Variants in CADPS2 observed in about 807,000 individuals in gnomAD.
CADPS2 encodes calcium dependent secretion activator 2.
CADPS2 carries 93 observed loss-of-function variants against 172.5 expected under a neutral mutation model. The observed-to-expected ratio is 0.54, with a 90% CI of 0.46 to 0.64. The LOEUF (loss-of-function observed/expected upper bound fraction) is 0.64. Among genes scored for constraint, CADPS2 ranks in the 30% least tolerant of loss-of-function variants. The probability of loss-of-function intolerance (pLI) is 0.00; values close to 1 mark genes in which losing one functional copy is unlikely to be tolerated. For missense variants in CADPS2, 1,420 were observed against 1,565.9 expected, an observed-to-expected ratio of 0.91 and a Z score of 1.57; for synonymous variants, 546 against 555.2, an observed-to-expected ratio of 0.98 and a Z score of 0.23.
intron 1 of CADPS2, among the ~76,000 whole-genome samples, chr7:122,803,515 C>T (rs1230592003): frequency 6.6e-6 from 1 of 152,116 alleles, no homozygotes; most frequent in Non-Finnish European, 1.5e-5. Context: ...TGTTTTCTAT[C>T]AGAATCACAT....
intron 7 of CADPS2, among the ~76,000 whole-genome samples, chr7:122,571,560 C>A (rs1307228804): frequency 6.6e-6 from 1 of 152,100 alleles, no homozygotes; most frequent in East Asian, 1.9e-4. Flanking sequence ...ACACACCGAG[C>A]AACAACTTTC....
intron 2 of CADPS2, among the ~76,000 whole-genome samples, chr7:122,671,741 G>C (rs1282456338): frequency 6.6e-6 from 1 of 152,094 alleles, no homozygotes; most frequent in African/African-American, 2.4e-5. Context: ...ATTTGATACA[G>C]GAGGCAATGG....
intron 7 of CADPS2, among the ~76,000 whole-genome samples, chr7:122,570,710 A>G (rs990529018): frequency 6.6e-6 from 1 of 152,002 alleles, no homozygotes; most frequent in African/African-American, 2.4e-5. Context: ...GCCATAAAAA[A>G]TGATGAGTTC....
chr7:122,569,110 A>G (rs998283669), intron 7 of CADPS2, among the ~76,000 whole-genome samples: 4 of 152,178 alleles, frequency 2.6e-5, no homozygotes, highest in African/African-American at 9.7e-5. Context: ...TGCAGACGAC[A>G]TGATTGTATA....
chr7:122,416,457 C>G (rs1211114447), intron 17 of CADPS2, among the ~76,000 whole-genome samples: 2 of 152,176 alleles, frequency 1.3e-5, no homozygotes, highest in Non-Finnish European at 2.9e-5. Flanking sequence ...TCCTCAAGGT[C>G]AGCGACACAA....
At chr7:122,503,097 T>C (rs2059345142) in intron 9 of CADPS2, among the ~76,000 whole-genome samples, 1 of 150,130 alleles carries the variant, frequency 6.7e-6, no homozygotes, top group Non-Finnish European at 1.5e-5. Flanking sequence ...AGTGGCACTA[T>C]CTCGGCTCAC....
intron 1 of CADPS2, among the ~76,000 whole-genome samples, chr7:122,839,133 T>C (rs1043918356): frequency 2.6e-5 from 4 of 151,992 alleles, no homozygotes; most frequent in South Asian, 2.1e-4. Flanking sequence ...CACACATCTA[T>C]AACCATCTGA....
Position 122,886,096 on chromosome 7 carries a change from C to T in CADPS2, c.242G>A (p.Arg81Gln), listed in dbSNP as rs777987703. 3.8e-6 allele frequency: 6 copies of T among 1,578,964 alleles called. No individual in the cohort carries two copies. Among genetic ancestry groups the T allele is most frequent in the Middle Eastern group, 1.8e-4 (1 of 5,696 alleles). The change falls in exon 1 of 30, where the codon CGG becomes CAG. Residue 81 changes from arginine (R) to glutamine (Q), a missense_variant. Transcript: ENST00000449022. ...PQRQLDDEQE[R>Q]RIRLQLYVFV... The stretch of plus-strand genomic sequence containing the variant: ...GACGTAGAGCTGCAGGCGGATCCTC[C>T]GCTCCTGCTCATCGTCCAGCTGCCG...
intron 8 of CADPS2, among the ~76,000 whole-genome samples, chr7:122,541,539 T>C (rs1398179307): frequency 6.8e-6 from 1 of 146,584 alleles, no homozygotes; most frequent in Non-Finnish European, 1.5e-5. Context: ...GCTTCTCTTA[T>C]AATTCCATTT....
At chr7:122,669,920 A>G (rs1209971845) in intron 2 of CADPS2, among the ~76,000 whole-genome samples, 1 of 151,542 alleles carries the variant, frequency 6.6e-6, no homozygotes, top group African/African-American at 2.4e-5. Flanking sequence ...CCCAGTTTCC[A>G]TCCTCGAGAG....
chr7:122,479,007 G>A (rs1357458221), intron 12 of CADPS2, among the ~76,000 whole-genome samples: 1 of 151,852 alleles, frequency 6.6e-6, no homozygotes, highest in Non-Finnish European at 1.5e-5. Context: ...ATTTGTTGCT[G>A]CTCCTAGTGT....
rs1360796768 is a variant in CADPS2, at chr7:122,663,573, A to T, written c.454-4T>A. 1 of 1,516,664 alleles carries T rather than the reference A, an allele frequency of 6.6e-7. No individual in the cohort carries two copies. The highest frequency in any genetic ancestry group is 2.1e-5 in the Admixed American group (1 of 48,502). The allele number at this position is 1,516,664 out of a possible 1,614,324, so 94.0% of individuals were successfully genotyped here. On this transcript the variant is annotated splice_region_variant and splice_polypyrimidine_tract_variant and intron_variant, in intron 2 of 29. Coordinates refer to ENST00000449022, the MANE Select transcript of CADPS2 (RefSeq NM_017954.11). ...CTCGGTCACTCTTTAGAAAAACCTGAAAACAAAACAAAACAAAACAAAACA... is the reference window on the plus strand; with the variant it reads ...CTCGGTCACTCTTTAGAAAAACCTGTAAACAAAACAAAACAAAACAAAACA...
chr7:122,849,945 C>T, intron 1 of CADPS2: 1 of 552,470 alleles, frequency 1.8e-6, no homozygotes, highest in Non-Finnish European at 3.2e-6. Context: ...GCTCCTGGCC[C>T]AGTACTAGCC....
At chr7:122,633,690 T>A (rs1587995481) in intron 3 of CADPS2, among the ~76,000 whole-genome samples, 1 of 152,170 alleles carries the variant, frequency 6.6e-6, no homozygotes, top group Admixed American at 6.5e-5. Context: ...TTTTATTTAT[T>A]TCTATTGCCT....
chr7:122,672,738 C>G (rs147085183), intron 2 of CADPS2, among the ~76,000 whole-genome samples: 51 of 152,316 alleles, frequency 3.3e-4, no homozygotes, highest in African/African-American at 1.2e-3. Flanking sequence ...GTGGAATTAT[C>G]GACCAGTGAC....
At chr7:122,365,266 G>A (rs2040704978) in intron 25 of CADPS2, among the ~76,000 whole-genome samples, 2 of 152,138 alleles carry the variant, frequency 1.3e-5, no homozygotes, top group Non-Finnish European at 2.9e-5. Context: ...TATCCCTAAA[G>A]GTCCCTGGGG....
chr7:122,393,623 A>C, intron 20 of CADPS2, 41 bp from the exon 21 acceptor site: 2 of 1,609,518 alleles, frequency 1.2e-6, no homozygotes, highest in Non-Finnish European at 1.7e-6. Flanking sequence ...CAGAGGGATA[A>C]TATCAGACAT....
chr7:122,463,866 ATAAGT>A (rs753610141), intron 14 of CADPS2, among the ~76,000 whole-genome samples: 18 of 152,204 alleles, frequency 1.2e-4, no homozygotes, highest in Non-Finnish European at 2.2e-4. Context: ...TGTTGAAAAG[ATAAGT>A]TAAAGATAAG....
chr7:122,496,442 A>G (rs28522818), intron 9 of CADPS2, among the ~76,000 whole-genome samples: 8,085 of 152,226 alleles, frequency 0.053, 276 homozygotes, highest in African/African-American at 0.055. Context: ...GGATTATGGC[A>G]TGAGTCACCA....
Sources: allele counts gnomAD v4.1 joint callset (sites outside exome capture counted in the v4.1 genomes callset), GRCh38; gene constraint gnomAD v4.1.1; transcripts MANE v1.5; gene names NCBI Gene and HGNC (gene_info 2026-07-23, HGNC 2026-07-21).